Variants in KAZN observed in about 807,000 individuals in gnomAD.
KAZN encodes the protein kazrin, periplakin interacting protein, also known as kazrin.
Under a neutral mutation model 87.4 loss-of-function variants are expected in KAZN, and 40 were observed. The ratio of observed to expected loss-of-function variants is 0.46; its 90% CI spans 0.36 to 0.60. KAZN has a LOEUF of 0.60. KAZN is among the 20% of genes least tolerant of loss of function. The pLI is 0.00. For missense variants in KAZN, 898 were observed against 1,073.9 expected (o/e 0.84, Z 2.29); for synonymous variants, 466 against 458.3 (o/e 1.02, Z -0.22).
At chr1:14,442,098 T>A (rs1409147631) in intron 2 of KAZN, among the ~76,000 whole-genome samples, 1 of 152,202 alleles carries the variant, frequency 6.6e-6, no homozygotes, top group Non-Finnish European at 1.5e-5. Context: ...CTAATTGACT[T>A]AGAAATGCCT....
intron 2 of KAZN, among the ~76,000 whole-genome samples, chr1:14,324,738 T>G (rs1431912134): frequency 6.6e-6 from 1 of 152,224 alleles, no homozygotes; most frequent in Non-Finnish European, 1.5e-5. Context: ...ATGGCCTTCA[T>G]GTTTTAAAAG....
chr1:14,053,922 G>GA lies in KAZN; in HGVS notation c.92-126506dup, dbSNP rs984410583. ...CCTTCTTACAATAAAGTAAGCTAGA[G>GA]AAAAAAATGTTACTAAGGGAAGCAT... On this transcript the variant is annotated intron_variant, in intron 1 of 16. Transcript: ENST00000636203. 5.9e-5 allele frequency among the ~76,000 whole-genome samples: 9 copies of GA among 151,948 alleles called. 1 individual carries two copies. The highest frequency in any genetic ancestry group is 1.3e-4 in the Non-Finnish European group (9 of 67,994).
At chr1:14,345,629 C>A (rs1160176823) in intron 2 of KAZN, among the ~76,000 whole-genome samples, 1 of 152,174 alleles carries the variant, frequency 6.6e-6, no homozygotes, top group African/African-American at 2.4e-5. Flanking sequence ...GCTCAGAAGT[C>A]ATCTGTGGCT....
At chr1:14,512,526 T>C (rs558491620) in intron 2 of KAZN, among the ~76,000 whole-genome samples, 1 of 111,670 alleles carries the variant, frequency 9.0e-6, no homozygotes, top group African/African-American at 3.5e-5. Flanking sequence ...GCTGCATGGG[T>C]AGATTCAGGA....
At chr1:15,051,023 C>T (rs989189252) in intron 4 of KAZN, among the ~76,000 whole-genome samples, 12 of 152,194 alleles carry the variant, frequency 7.9e-5, no homozygotes, top group South Asian at 2.1e-4. Context: ...TTATGAAGCA[C>T]GGGAAGAAGG....
intron 1 of KAZN, among the ~76,000 whole-genome samples, chr1:14,662,045 A>G (rs1008962968): frequency 1.3e-5 from 2 of 152,206 alleles, no homozygotes; most frequent in African/African-American, 4.8e-5. Flanking sequence ...CATGAGCCTC[A>G]GTCTCTTCAT....
chr1:14,728,119 C>T (rs1485402747), intron 1 of KAZN, among the ~76,000 whole-genome samples: 1 of 151,506 alleles, frequency 6.6e-6, no homozygotes, highest in Non-Finnish European at 1.5e-5. Context: ...AACCTCGTCT[C>T]TACTAAAAAT....
chr1:15,097,541 G>A (rs955032442), intron 10 of KAZN, among the ~76,000 whole-genome samples: 3 of 152,170 alleles, frequency 2.0e-5, no homozygotes, highest in Non-Finnish European at 4.4e-5. Context: ...GGAGAAGGCC[G>A]GGTACGATGG....
At chr1:14,870,363 G>C (rs1652003854) in intron 1 of KAZN, among the ~76,000 whole-genome samples, 1 of 152,160 alleles carries the variant, frequency 6.6e-6, no homozygotes, top group South Asian at 2.1e-4. Flanking sequence ...TTTGTATTGA[G>C]ACAGAGTTTT....
At chr1:14,976,055 C>CAAA in intron 2 of KAZN, among the ~76,000 whole-genome samples, 1 of 140,900 alleles carries the variant, frequency 7.1e-6, no homozygotes, top group Non-Finnish European at 1.5e-5. Context: ...AAAAAAAAAG[C>CAAA]AAAGAAAGTA....
chr1:14,792,580 A>G (rs1432168334), intron 1 of KAZN, among the ~76,000 whole-genome samples: 2 of 152,130 alleles, frequency 1.3e-5, no homozygotes, highest in Non-Finnish European at 2.9e-5. Context: ...TCATGAGGAA[A>G]CAATCGGTGC....
rs569238674 is a variant in KAZN at position 15,081,713 on chromosome 1, G to A, written c.1223-12467G>A. On this transcript the variant is annotated intron_variant, in intron 8 of 14. Transcript: ENST00000376030. The surrounding 1 kb of genome is among the most constrained non-coding windows in gnomAD (Gnocchi z 4.1). ...AGGCAGAGGAAAGTGACAGGCCGCT[G>A]TTCAGGCCAAGGGAACGGCAGGTGC... Among the ~76,000 whole-genome samples the A allele has an allele frequency of 1.9e-4, 29 of 152,208 alleles. No homozygotes were observed. The highest frequency in any genetic ancestry group is 4.0e-4 in the Non-Finnish European group (27 of 68,040).
chr1:14,713,797 A>AAAAGAAAG lies in KAZN; in HGVS notation c.226+114577_226+114584dup, dbSNP rs1553215136. On this transcript the variant is annotated intron_variant, in intron 1 of 14. Coordinates refer to ENST00000376030, the MANE Select transcript of KAZN (RefSeq NM_201628.3). ...CTACAAAAAAAAAAAAAAAAAAAAAAAAAGAAAGAATAATTAGGTGTGGTG... is the reference window on the plus strand; with the variant it reads ...CTACAAAAAAAAAAAAAAAAAAAAAAAAAGAAAGAAAGAAAGAATAATTAGGTGTGGTG... Among the ~76,000 whole-genome samples, 41 of 95,680 alleles carry AAAAGAAAG rather than the reference A, an allele frequency of 4.3e-4. No homozygotes were observed. In the South Asian group the frequency reaches 9.1e-3, roughly 21 times the overall value. 62.8% of individuals were successfully genotyped at this position (95,680 alleles called of 152,430 possible).
chr1:14,978,568 T>C (rs1665906130), intron 2 of KAZN, among the ~76,000 whole-genome samples: 1 of 152,168 alleles, frequency 6.6e-6, no homozygotes, highest in Non-Finnish European at 1.5e-5. Flanking sequence ...TTTGTTCGTT[T>C]CTCTTAATCT....
Position 14,888,524 on chromosome 1 carries a change from C to T in KAZN, c.227-72160C>T, listed in dbSNP as rs1654363044. Among the ~76,000 whole-genome samples, 8 of 152,146 alleles carry T rather than the reference C, an allele frequency of 5.3e-5. No individual in the cohort carries two copies. The South Asian group carries it at 1.7e-3, about 32-fold the overall frequency. ...ACACACTGGAAGGGGGCCACTTCGACCAGATTTTACCCCTCAAATATAGCT... is the reference window on the plus strand; with the variant it reads ...ACACACTGGAAGGGGGCCACTTCGATCAGATTTTACCCCTCAAATATAGCT... On this transcript the variant is annotated intron_variant, in intron 1 of 14. Coordinates refer to ENST00000376030, the MANE Select transcript of KAZN (RefSeq NM_201628.3).
At chr1:15,030,629 G>A (rs1189717295) in intron 2 of KAZN, among the ~76,000 whole-genome samples, 1 of 152,210 alleles carries the variant, frequency 6.6e-6, no homozygotes, top group Non-Finnish European at 1.5e-5. Context: ...CATGTTAGGG[G>A]GCAGGGCACA....
intron 2 of KAZN, among the ~76,000 whole-genome samples, chr1:14,512,676 C>CACAG (rs1008650247): frequency 6.6e-6 from 1 of 152,254 alleles, no homozygotes; most frequent in African/African-American, 2.4e-5. Flanking sequence ...GTCACTAGAA[C>CACAG]ACAGCCTGCC....
At chr1:14,231,046 G>A (rs1485037628) in intron 2 of KAZN, among the ~76,000 whole-genome samples, 1 of 152,122 alleles carries the variant, frequency 6.6e-6, no homozygotes, top group African/African-American at 2.4e-5. Flanking sequence ...TGAAGTATTA[G>A]CATGGTGCCT....
chr1:14,820,272 C>T lies in KAZN; in HGVS notation c.227-140412C>T, dbSNP rs1323229118. Among the ~76,000 whole-genome samples, 1 of 152,206 alleles carries T rather than the reference C, an allele frequency of 6.6e-6. No individual in the cohort carries two copies. The highest frequency in any genetic ancestry group is 6.5e-5 in the Admixed American group (1 of 15,284). ...TGCTGGATCATCTATTCAGCCTACT[C>T]TCCCTAACTGTTTCCCCGCAGAGGC... On this transcript the variant is annotated intron_variant, in intron 1 of 14. Transcript: ENST00000376030. This position sits in a 1 kb window ranked among gnomAD's most constrained non-coding sequence, Gnocchi z 4.1.
Sources: allele counts gnomAD v4.1 joint callset (sites outside exome capture counted in the v4.1 genomes callset), GRCh38; gene constraint gnomAD v4.1.1; non-coding constraint Gnocchi (gnomAD v3.1); transcripts MANE v1.5; gene names NCBI Gene and HGNC (gene_info 2026-07-23, HGNC 2026-07-21).